LRIG1: variants seen among roughly 807,000 people sequenced by gnomAD.
LRIG1 encodes the protein leucine-rich repeats and immunoglobulin-like domains protein 1.
In LRIG1, 48 loss-of-function variants were observed where a neutral mutation model predicts 99.2. The ratio of observed to expected loss-of-function variants is 0.48; its 90% CI spans 0.38 to 0.62. LRIG1 has a LOEUF of 0.62. Ranked by LOEUF, LRIG1 falls within the 20% of genes least tolerant of loss-of-function variation. The pLI is 0.00. For missense variants in LRIG1, 1,646 were observed against 1,434.4 expected (o/e 1.15, Z -2.38); for synonymous variants, 772 against 596.1 (o/e 1.29, Z -4.30).
intron 3 of LRIG1, among the ~76,000 whole-genome samples, chr3:66,434,881 A>T (rs534857658): frequency 2.9e-4 from 44 of 152,232 alleles, no homozygotes; most frequent in African/African-American, 1.0e-3. Flanking sequence ...ACGGTTTCTT[A>T]AAAAAACTAA....
At chr3:66,492,500 TAAGA>T (rs1450157903) in intron 1 of LRIG1, among the ~76,000 whole-genome samples, 1 of 152,150 alleles carries the variant, frequency 6.6e-6, no homozygotes, top group East Asian at 1.9e-4. Context: ...ATTCTGCTTG[TAAGA>T]GAGACCTTCA....
intron 1 of LRIG1, among the ~76,000 whole-genome samples, chr3:66,469,907 C>CAAAAA (rs55768550): frequency 6.9e-5 from 8 of 115,698 alleles, no homozygotes; most frequent in African/African-American, 1.4e-4. Flanking sequence ...CTGTCCCTAC[C>CAAAAA]AAAAAAAAAA....
intron 12 of LRIG1, chr3:66,387,643 A>G (rs953042819): frequency 6.6e-6 from 1 of 152,088 alleles, no homozygotes; most frequent in Non-Finnish European, 1.5e-5. Flanking sequence ...TAAATGCCCA[A>G]TTTTCAACAA....
intron 3 of LRIG1, among the ~76,000 whole-genome samples, chr3:66,429,908 A>AAAAAC (rs373016740): frequency 0.043 from 6,581 of 152,030 alleles, 397 homozygotes; most frequent in African/African-American, 0.14. Context: ...TCCATTAATT[A>AAAAAC]AAAACAAAAC....
intron 1 of LRIG1, among the ~76,000 whole-genome samples, chr3:66,467,985 T>G (rs1239007002): frequency 6.6e-6 from 1 of 152,092 alleles, no homozygotes; most frequent in East Asian, 1.9e-4. Context: ...TTCTGAACCA[T>G]CTCAACAAGG....
chr3:66,428,729 A>C (rs1703061277), intron 3 of LRIG1, among the ~76,000 whole-genome samples: 1 of 152,378 alleles, frequency 6.6e-6, no homozygotes, highest in East Asian at 1.9e-4. Context: ...CTTCTTAAAA[A>C]TTAAAATCAA....
At chr3:66,382,852 G>GTGGGACTAAACCCTCAGGAGTT (rs1159878406) in intron 15 of LRIG1, 130 bp downstream of exon 15, 7 of 778,952 alleles carry the variant, frequency 9.0e-6, no homozygotes, top group African/African-American at 1.8e-5. Flanking sequence ...AATGGAATTA[G>GTGGGACTAAACCCTCAGGAGTT]TGGGACTAAA....
At chr3:66,471,315 A>C (rs1034709406) in intron 1 of LRIG1, among the ~76,000 whole-genome samples, 3 of 152,176 alleles carry the variant, frequency 2.0e-5, no homozygotes, top group Non-Finnish European at 4.4e-5. Context: ...TAATTCACTA[A>C]CTTTCACATA....
At position 66,390,253 on chromosome 3, in the gene LRIG1, G is replaced by C. The variant is rs540818226; in HGVS notation, c.1468+3787C>G. Among the ~76,000 whole-genome samples the C allele has an allele frequency of 2.0e-5, 3 of 152,144 alleles. No individual in the cohort carries two copies. The South Asian group carries it at 6.2e-4, about 32-fold the overall frequency. On this transcript the variant is annotated intron_variant, in intron 12 of 18. Coordinates refer to ENST00000273261, the MANE Select transcript of LRIG1 (RefSeq NM_015541.3). ...ATTTACTGAAAAACTTAGAATAAAT[G>C]ATGTCAACATATATGCAGGATACAA... is the stretch of plus-strand genomic sequence containing the variant.
intron 1 of LRIG1, among the ~76,000 whole-genome samples, chr3:66,465,139 G>A (rs1004606747): frequency 1.1e-4 from 16 of 152,126 alleles, no homozygotes; most frequent in Admixed American, 7.2e-4. Context: ...AGCCACCAAG[G>A]CTCACGTCCC....
intron 1 of LRIG1, among the ~76,000 whole-genome samples, chr3:66,478,160 G>A (rs577177866): frequency 2.6e-5 from 4 of 152,286 alleles, no homozygotes; most frequent in Non-Finnish European, 4.4e-5. Flanking sequence ...CTTTCTGCAC[G>A]TTGCTACCAT....
At chr3:66,424,162 C>A (rs1559792516) in intron 3 of LRIG1, among the ~76,000 whole-genome samples, 1 of 152,144 alleles carries the variant, frequency 6.6e-6, no homozygotes, top group Non-Finnish European at 1.5e-5. Flanking sequence ...AAGCAAATCC[C>A]AGACTGCAAC....
intron 9 of LRIG1, among the ~76,000 whole-genome samples, chr3:66,404,783 A>G (rs2106640008): frequency 6.6e-6 from 1 of 152,326 alleles, no homozygotes; most frequent in African/African-American, 2.4e-5. Flanking sequence ...ATTTGAGATG[A>G]TGGTTAATGA....
chr3:66,380,533 T>G (rs1160211499), intron 18 of LRIG1, 44 bp from the exon 19 acceptor site: 8 of 1,613,612 alleles, frequency 5.0e-6, no homozygotes, highest in African/African-American at 4.0e-5. Context: ...CTTGACCGTT[T>G]AAGCAGCTCC....
chr3:66,473,764 AAC>A (rs1477906131), intron 1 of LRIG1, among the ~76,000 whole-genome samples: 17 of 152,242 alleles, frequency 1.1e-4, no homozygotes, highest in Admixed American at 1.1e-3. Context: ...TTTTAAAGAA[AAC>A]ACACAGTTTT....
At chr3:66,458,959 G>A (rs1217666139) in intron 2 of LRIG1, among the ~76,000 whole-genome samples, 2 of 149,808 alleles carry the variant, frequency 1.3e-5, no homozygotes, top group African/African-American at 4.9e-5. Context: ...GGAGGTTGCA[G>A]TGACCCAAGA....
chr3:66,467,861 C>A (rs1273487827), intron 1 of LRIG1, among the ~76,000 whole-genome samples: 1 of 152,198 alleles, frequency 6.6e-6, no homozygotes, highest in African/African-American at 2.4e-5. Flanking sequence ...CCTACAGAAG[C>A]AACTTGAATC....
chr3:66,388,887 G>A (rs898040156), intron 12 of LRIG1, among the ~76,000 whole-genome samples: 1 of 152,028 alleles, frequency 6.6e-6, no homozygotes, highest in East Asian at 1.9e-4. Flanking sequence ...TGAAATGAAA[G>A]GACATCATAT....
At chr3:66,478,990 G>A (rs529860548) in intron 1 of LRIG1, among the ~76,000 whole-genome samples, 23 of 152,184 alleles carry the variant, frequency 1.5e-4, no homozygotes, top group African/African-American at 2.9e-4. Context: ...AAAAGCCACC[G>A]GGGCCATAGT....
Sources: allele counts gnomAD v4.1 joint callset (sites outside exome capture counted in the v4.1 genomes callset), GRCh38; gene constraint gnomAD v4.1.1; transcripts MANE v1.5; gene names NCBI Gene and HGNC (gene_info 2026-07-23, HGNC 2026-07-21).